Variants in MROH1 observed in about 807,000 individuals in gnomAD.
MROH1 encodes the protein maestro heat-like repeat-containing protein family member 1.
Under a neutral mutation model 116.5 loss-of-function variants are expected in MROH1, and 117 were observed. That is an observed-to-expected ratio of 1.00 (90% CI 0.86 to 1.17). The LOEUF is 1.17. Ranked by LOEUF, MROH1 falls within the 50% of genes most tolerant of loss-of-function variation. The pLI, the probability that MROH1 is intolerant of heterozygous loss-of-function variation, is 0.00. For missense variants in MROH1, 1,873 were observed against 1,338.5 expected (o/e 1.40, Z -6.23); for synonymous variants, 921 against 583.9 (o/e 1.58, Z -8.32).
At chr8:144,253,068 C>T (rs926414991) in intron 33 of MROH1, among the ~76,000 whole-genome samples, 1 of 151,222 alleles carries the variant, frequency 6.6e-6, no homozygotes, top group Non-Finnish European at 1.5e-5. Context: ...GCAGGAGAAT[C>T]GCTTGAACCT....
chr8:144,255,127 C>A (rs925283543), intron 34 of MROH1, 149 bp downstream of exon 34: 9 of 604,260 alleles, frequency 1.5e-5, no homozygotes. Context: ...AGCTCAGGCT[C>A]GTAAAGGCCT....
chr8:144,246,585 C>T (rs1841962893), intron 29 of MROH1, among the ~76,000 whole-genome samples: 1 of 152,168 alleles, frequency 6.6e-6, no homozygotes. Flanking sequence ...TGGCTGGTCA[C>T]CCTGCAGTCT....
intron 4 of MROH1, among the ~76,000 whole-genome samples, chr8:144,170,616 A>G (rs1308107436): frequency 6.6e-6 from 1 of 152,236 alleles, no homozygotes; most frequent in Non-Finnish European, 1.5e-5. Context: ...AACAATAGGG[A>G]AAAGCAATGC....
chr8:144,184,686 G>A (rs1826506671), intron 7 of MROH1, among the ~76,000 whole-genome samples: 2 of 152,236 alleles, frequency 1.3e-5, no homozygotes, highest in Admixed American at 1.3e-4. Context: ...CCGGAGGGCA[G>A]CCCTGAGCTG....
intron 3 of MROH1, among the ~76,000 whole-genome samples, chr8:144,167,745 G>A (rs556094475): frequency 2.0e-5 from 3 of 152,296 alleles, no homozygotes; most frequent in East Asian, 3.9e-4. Flanking sequence ...AGAGCCATAG[G>A]ATGAGGCTAT....
intron 4 of MROH1, among the ~76,000 whole-genome samples, chr8:144,178,028 C>T (rs1259957394): frequency 1.3e-5 from 2 of 149,860 alleles, no homozygotes; most frequent in Non-Finnish European, 3.0e-5. Context: ...GGTGTGATCT[C>T]GGCTCACTGC....
chr8:144,227,070 C>T (rs2132523047), intron 14 of MROH1, among the ~76,000 whole-genome samples: 1 of 152,238 alleles, frequency 6.6e-6, no homozygotes, highest in South Asian at 2.1e-4. Flanking sequence ...TCTAACTGTT[C>T]ATCGTTAGCA....
Position 144,261,899 on chromosome 8 carries a change from A to G in MROH1, c.*159A>G, listed in dbSNP as rs1845151092. ...CCAAACCCAAGCCCTTCAGTGAGGGATGTGCCCAATAAACTCATCTGCTCC... is the reference window on the plus strand; with the variant it reads ...CCAAACCCAAGCCCTTCAGTGAGGGGTGTGCCCAATAAACTCATCTGCTCC... On this transcript the variant is annotated 3_prime_UTR_variant, in exon 44 of 44. Transcript: ENST00000326134. 4.5e-6 allele frequency: 3 copies of G among 663,810 alleles called. No individual in the cohort carries two copies. Among genetic ancestry groups the G allele is most frequent in the Non-Finnish European group, 8.2e-6 (3 of 367,952 alleles). 41.1% of individuals were successfully genotyped at this position (663,810 alleles called of 1,614,324 possible). A position where few individuals can be genotyped will look rare whatever the true frequency, so the allele number is the denominator to read the frequency against.
At chr8:144,236,788 C>T (rs926181059) in intron 14 of MROH1, among the ~76,000 whole-genome samples, 9 of 151,088 alleles carry the variant, frequency 6.0e-5, no homozygotes, top group Non-Finnish European at 1.3e-4. Flanking sequence ...TAAATAAACA[C>T]TTAGTCAACA....
chr8:144,222,984 A>C, intron 13 of MROH1, 124 bp from the exon 14 acceptor site: 32 of 1,327,004 alleles, frequency 2.4e-5, no homozygotes, highest in Non-Finnish European at 3.2e-5. Flanking sequence ...GTGTCAGTGT[A>C]ACTGCAGTTG....
intron 1 of MROH1, among the ~76,000 whole-genome samples, chr8:144,152,468 A>G (rs1047090667): frequency 3.3e-5 from 5 of 151,884 alleles, no homozygotes; most frequent in Non-Finnish European, 7.4e-5. Context: ...GGCTCATTGC[A>G]ACCTCTGCCT....
chr8:144,194,065 T>C (rs1333769081), intron 10 of MROH1, among the ~76,000 whole-genome samples: 2 of 151,628 alleles, frequency 1.3e-5, no homozygotes, highest in Non-Finnish European at 2.9e-5. Flanking sequence ...TTTTGATGAT[T>C]TTTTCTTTTC....
chr8:144,183,614 C>T (rs947099425), intron 7 of MROH1, among the ~76,000 whole-genome samples: 9 of 151,822 alleles, frequency 5.9e-5, no homozygotes, highest in South Asian at 2.1e-4. Context: ...GCCTTGATTT[C>T]ACATGGGAGA....
In MROH1 at chr8:144,234,349, A is replaced by T. The variant is rs187673228; in HGVS notation, c.1339-4407A>T. On this transcript the variant is annotated intron_variant, in intron 14 of 43. Coordinates refer to ENST00000326134, the MANE Select transcript of MROH1 (RefSeq NM_032450.3). The stretch of plus-strand genomic sequence containing the variant: ...AATATCAAAATCTTTGTATCTATGA[A>T]CATGGGATGTATTTCTATTATTTAG... Among the ~76,000 whole-genome samples the T allele has an allele frequency of 2.9e-3, 438 of 151,834 alleles. 1 individual carries two copies. Among genetic ancestry groups the T allele is most frequent in the Non-Finnish European group, 5.3e-3 (361 of 67,944 alleles).
chr8:144,245,519 G>A (rs923964241), intron 29 of MROH1, among the ~76,000 whole-genome samples: 11 of 152,222 alleles, frequency 7.2e-5, no homozygotes, highest in Admixed American at 2.0e-4. Context: ...TGTTGAGCGC[G>A]GTGCTTGATT....
At chr8:144,188,455 T>A (rs1827761742) in intron 7 of MROH1, among the ~76,000 whole-genome samples, 2 of 1,136 alleles carry the variant, frequency 1.8e-3, no homozygotes, top group African/African-American at 2.3e-3. Flanking sequence ...CCCAATTTTT[T>A]TTTTTTTTTT....
chr8:144,237,224 T>C (rs1475177459), intron 14 of MROH1, among the ~76,000 whole-genome samples: 1 of 152,232 alleles, frequency 6.6e-6, no homozygotes, highest in African/African-American at 2.4e-5. Context: ...CCTATTCTTA[T>C]GTGCATGCAT....
intron 1 of MROH1, among the ~76,000 whole-genome samples, chr8:144,153,044 T>G (rs1471635566): frequency 1.3e-5 from 2 of 152,180 alleles, no homozygotes; most frequent in Non-Finnish European, 2.9e-5. Context: ...CCAGCCCCGG[T>G]AACCACCGTT....
intron 35 of MROH1, 66 bp from the exon 36 acceptor site, chr8:144,258,711 G>A (rs1261902157): frequency 3.8e-5 from 27 of 714,758 alleles, no homozygotes; most frequent in Non-Finnish European, 5.6e-5. Flanking sequence ...GCAGACCTGA[G>A]GAGTTAATCA....
Sources: gnomAD v4.1 joint callset for allele counts (sites outside exome capture counted in the v4.1 genomes callset) on GRCh38, gnomAD v4.1.1 for gene constraint, MANE v1.5 for transcripts, NCBI Gene and HGNC (gene_info 2026-07-23, HGNC 2026-07-21) for gene names.